Variants in PDE4D observed in about 807,000 individuals in gnomAD.
The protein encoded by PDE4D is phosphodiesterase 4D, also known as 3',5'-cyclic-AMP phosphodiesterase 4D.
Under a neutral mutation model 87.4 loss-of-function variants are expected in PDE4D, and 24 were observed. The ratio of observed to expected loss-of-function variants is 0.27; its 90% confidence interval spans 0.20 to 0.39. PDE4D has a LOEUF of 0.39. PDE4D is among the 10% of genes least tolerant of loss of function. PDE4D has a pLI of 1.00. For missense variants in PDE4D, 714 were observed against 1,041.0 expected, an observed-to-expected ratio of 0.69 and a Z score of 4.32; for synonymous variants, 384 against 383.2, an observed-to-expected ratio of 1.00 and a Z score of -0.02.
intron 1 of PDE4D, among the ~76,000 whole-genome samples, chr5:59,286,083 T>C (rs1351103361): frequency 6.6e-6 from 1 of 152,204 alleles, no homozygotes; most frequent in African/African-American, 2.4e-5. Flanking sequence ...GAAGACTGTA[T>C]ATCCATGTAC....
chr5:59,663,750 G>A (rs1336776362), intron 1 of PDE4D, among the ~76,000 whole-genome samples: 1 of 152,126 alleles, frequency 6.6e-6, no homozygotes, highest in Non-Finnish European at 1.5e-5. Flanking sequence ...CATTTTCAGT[G>A]TCATTATTGG....
In PDE4D at chr5:59,370,134, C is replaced by T. The variant is rs550802366; in HGVS notation, c.456-154166G>A. Among the ~76,000 whole-genome samples the T allele has an allele frequency of 3.9e-5, 6 of 152,298 alleles. No homozygotes were observed. The East Asian group carries it at 9.6e-4, about 24-fold the overall frequency. ...GGGTCCAAGTCACTACTGTCTCCTTCCAAGGCTATTGCAGTGGCGTCATAA... is the reference window on the plus strand; with the variant it reads ...GGGTCCAAGTCACTACTGTCTCCTTTCAAGGCTATTGCAGTGGCGTCATAA... On this transcript the variant is annotated intron_variant, in intron 1 of 14. Transcript: ENST00000340635.
At chr5:59,274,628 A>G (rs1328855159) in intron 1 of PDE4D, among the ~76,000 whole-genome samples, 1 of 152,122 alleles carries the variant, frequency 6.6e-6, no homozygotes, top group African/African-American at 2.4e-5. Flanking sequence ...GTAAATACCT[A>G]TTGTAGAAAA....
chr5:59,297,723 C>A (rs1769368460), intron 1 of PDE4D, among the ~76,000 whole-genome samples: 1 of 151,922 alleles, frequency 6.6e-6, no homozygotes, highest in Non-Finnish European at 1.5e-5. Context: ...GAATGAATGA[C>A]ACAGATCATG....
chr5:59,400,797 ATT>A (rs1382949087), intron 1 of PDE4D, among the ~76,000 whole-genome samples: 1 of 152,204 alleles, frequency 6.6e-6, no homozygotes, highest in African/African-American at 2.4e-5. Flanking sequence ...TACCAACTGC[ATT>A]TTAGATATGA....
At chr5:60,366,470 C>T (rs538315760) in intron 1 of PDE4D, among the ~76,000 whole-genome samples, 2 of 152,240 alleles carry the variant, frequency 1.3e-5, no homozygotes, top group East Asian at 1.9e-4. Flanking sequence ...ATAATGTTCC[C>T]ACTGAATTGA....
chr5:59,181,859 T>C (rs1741672009), intron 4 of PDE4D, among the ~76,000 whole-genome samples: 1 of 152,174 alleles, frequency 6.6e-6, no homozygotes, highest in Admixed American at 6.5e-5. Context: ...TGAGATGTTT[T>C]TGTGGAACCT....
chr5:59,366,690 T>G (rs1002700858), intron 1 of PDE4D, among the ~76,000 whole-genome samples: 5 of 152,214 alleles, frequency 3.3e-5, no homozygotes, highest in African/African-American at 1.2e-4. Context: ...TTATTTTGTT[T>G]TCTTTTGATA....
chr5:59,870,427 A>T (rs1247496557), intron 1 of PDE4D, among the ~76,000 whole-genome samples: 3 of 152,240 alleles, frequency 2.0e-5, no homozygotes, highest in African/African-American at 7.2e-5. Context: ...CACTCGATAT[A>T]TCCTCAAAAG....
In PDE4D at chr5:59,464,766, C is replaced by T. The variant is rs144851267; in HGVS notation, c.456-248798G>A. Among the ~76,000 whole-genome samples the T allele has an allele frequency of 4.0e-5, 6 of 150,684 alleles. No individual in the cohort carries two copies. The East Asian group carries it at 1.2e-3, about 29-fold the overall frequency. ...AACCCACCCCTTCACTCGGGTCATG[C>T]AGGAATCATATGTGCAAAAATAATG... On this transcript the variant is annotated intron_variant, in intron 1 of 14. Coordinates refer to ENST00000340635, the MANE Select transcript of PDE4D (RefSeq NM_001104631.2).
Position 58,975,015 on chromosome 5 carries a change from G to A in PDE4D, c.2079C>T (p.Asp693=), listed in dbSNP as rs750717716. The A allele has an allele frequency of 1.8e-5, 29 of 1,606,382 alleles. No individual in the cohort carries two copies. Among genetic ancestry groups the A allele is most frequent in the South Asian group, 4.4e-5 (4 of 90,332 alleles). ...CCAAAGTGTCCAAAATATCCTGGGC[G>A]TCAGGGTGGACGAGGTCTGCCCATG... ...WETWADLVHP[D]AQDILDTLED... The change falls in exon 15 of 15, where the codon GAC becomes GAT. Residue 693 remains aspartate (D), a synonymous_variant. Coordinates refer to ENST00000340635, the MANE Select transcript of PDE4D (RefSeq NM_001104631.2). This position sits in a 1 kb window ranked among gnomAD's most constrained non-coding sequence, Gnocchi z 4.2.
chr5:59,299,495 T>C (rs1769753429), intron 1 of PDE4D, among the ~76,000 whole-genome samples: 1 of 152,210 alleles, frequency 6.6e-6, no homozygotes, highest in African/African-American at 2.4e-5. Flanking sequence ...ATATTCCTTA[T>C]ATTGGGGTCT....
chr5:60,235,104 ATG>A (rs1308686300), intron 1 of PDE4D, among the ~76,000 whole-genome samples: 34 of 152,038 alleles, frequency 2.2e-4, no homozygotes, highest in Non-Finnish European at 8.8e-5. Flanking sequence ...ATCAATTAAA[ATG>A]TGTATGATAA....
intron 1 of PDE4D, among the ~76,000 whole-genome samples, chr5:59,305,608 T>C (rs558087759): frequency 1.3e-5 from 2 of 152,270 alleles, no homozygotes; most frequent in East Asian, 3.9e-4. Flanking sequence ...GTCATTATTG[T>C]TGTTCAGTTC....
intron 1 of PDE4D, among the ~76,000 whole-genome samples, chr5:60,459,024 A>G (rs1746715784): frequency 6.6e-6 from 1 of 152,016 alleles, no homozygotes; most frequent in Non-Finnish European, 1.5e-5. Flanking sequence ...GTATGTGTAT[A>G]CATTTAGTTT....
At chr5:60,113,822 C>A (rs1562111592) in intron 2 of PDE4D, among the ~76,000 whole-genome samples, 1 of 151,842 alleles carries the variant, frequency 6.6e-6, no homozygotes, top group African/African-American at 2.4e-5. Context: ...ACAACAAGAA[C>A]AAAAAAAATT....
intron 1 of PDE4D, among the ~76,000 whole-genome samples, chr5:59,781,116 A>C (rs1481864187): frequency 7.2e-6 from 1 of 139,276 alleles, no homozygotes; most frequent in Admixed American, 7.6e-5. Flanking sequence ...TGGTGAGCGG[A>C]GGTCACACCA....
chr5:59,424,262 T>C (rs942351106), intron 1 of PDE4D, among the ~76,000 whole-genome samples: 5 of 152,214 alleles, frequency 3.3e-5, no homozygotes, highest in African/African-American at 9.6e-5. Flanking sequence ...TAATAATTTT[T>C]ACCCAGAAGT....
At chr5:59,189,256 T>TG (rs1278742803) in intron 3 of PDE4D, among the ~76,000 whole-genome samples, 20 of 141,430 alleles carry the variant, frequency 1.4e-4, no homozygotes, top group East Asian at 2.0e-4. Context: ...TTTTTTTGTT[T>TG]TTTTTTTTTT....
Sources: gnomAD v4.1 joint callset for allele counts (sites outside exome capture counted in the v4.1 genomes callset) on GRCh38, gnomAD v4.1.1 for gene constraint, Gnocchi (gnomAD v3.1) non-coding constraint, MANE v1.5 for transcripts, NCBI Gene and HGNC (gene_info 2026-07-23, HGNC 2026-07-21) for gene names.